The following TECTA variants were observed in gnomAD, a reference collection of about 807,000 sequenced individuals.
The protein encoded by TECTA is tectorin alpha.
A neutral mutation model predicts 216.8 loss-of-function variants in TECTA; 128 were observed. The observed-to-expected ratio is 0.59, with a 90% CI of 0.51 to 0.68. The LOEUF is 0.68. TECTA is among the 30% of genes least tolerant of loss of function. TECTA has a pLI of 0.00. For missense variants in TECTA, 2,551 were observed against 2,786.2 expected, an observed-to-expected ratio of 0.92 and a Z score of 1.90; for synonymous variants, 1,089 against 1,117.1, an observed-to-expected ratio of 0.97 and a Z score of 0.50.
chr11:121,126,129 C>T (rs1946609988), intron 8 of TECTA, among the ~76,000 whole-genome samples: 1 of 152,222 alleles, frequency 6.6e-6, no homozygotes, highest in African/African-American at 2.4e-5. Context: ...GGAAGTCCCA[C>T]AGCAGGGGAC....
chr11:121,178,762 T>C (rs887851395), intron 20 of TECTA, among the ~76,000 whole-genome samples: 1 of 152,192 alleles, frequency 6.6e-6, no homozygotes, highest in African/African-American at 2.4e-5. Flanking sequence ...TTGTTCCTGA[T>C]TCAATCCTGT....
In TECTA at chr11:121,127,966, GTTC is replaced by G. The variant is rs1336798551; in HGVS notation, c.1994_1996del (p.Phe665del). On this transcript the variant is annotated inframe_deletion, in exon 9 of 24. Transcript: ENST00000392793. The surrounding 1 kb of genome is among the most constrained non-coding windows in gnomAD (Gnocchi z 5.0). ...ACGGCCACTACTACACCATGGGGGA[GTTC>G]TTCTGGGCCACGGCCAACTGCACTG... 5 of 1,614,052 alleles carry G rather than the reference GTTC, an allele frequency of 3.1e-6. No individual in the cohort carries two copies. In the East Asian group the frequency reaches 8.9e-5, roughly 29 times the overall value.
At chr11:121,176,151 T>G (rs1947164328) in intron 20 of TECTA, among the ~76,000 whole-genome samples, 3 of 151,610 alleles carry the variant, frequency 2.0e-5, no homozygotes, top group Admixed American at 6.6e-5. Context: ...AATTTGCCAG[T>G]CTGTGTCTTT....
At position 121,118,511 on chromosome 11, in the gene TECTA, T is replaced by C; in HGVS notation, c.996T>C (p.Thr332=). The C allele has an allele frequency of 6.2e-7, 1 of 1,614,166 alleles. No homozygotes were observed. ...CVVFGEPHYH[T]FDGFLFHFQG... ...TGTTTGGGGAGCCACACTACCACACTTTTGACGGCTTCCTCTTCCACTTCC... is the reference window on the plus strand; with the variant it reads ...TGTTTGGGGAGCCACACTACCACACCTTTGACGGCTTCCTCTTCCACTTCC... Residue 332 remains threonine (T), a synonymous_variant, in exon 7 of 24, where the codon ACT becomes ACC. Coordinates refer to ENST00000392793, the MANE Select transcript of TECTA (RefSeq NM_005422.4).
At chr11:121,132,654 C>G (rs911650535) in intron 10 of TECTA, among the ~76,000 whole-genome samples, 5 of 152,276 alleles carry the variant, frequency 3.3e-5, no homozygotes, top group Admixed American at 6.5e-5. Flanking sequence ...GTTTCTGTCT[C>G]TATCTCACCA....
chr11:121,119,813 T>C (rs1946539282), intron 7 of TECTA, among the ~76,000 whole-genome samples: 1 of 152,236 alleles, frequency 6.6e-6, no homozygotes, highest in Non-Finnish European at 1.5e-5. Flanking sequence ...GTCTGTGCAG[T>C]TTATCAGTCT....
chr11:121,168,822 G>A lies in TECTA; in HGVS notation c.5896G>A (p.Val1966Ile), dbSNP rs748318594. 1.9e-6 allele frequency: 3 copies of A among 1,614,140 alleles called. No individual in the cohort carries two copies. Among genetic ancestry groups the A allele is most frequent in the Non-Finnish European group, 2.5e-6 (3 of 1,180,016 alleles). The change falls in exon 20 of 24, where the codon GTT becomes ATT. Residue 1966 changes from valine to isoleucine, a missense_variant. This residue lies in a region of TECTA where 2,375 missense variants were observed against 2,563.9 expected (regional missense o/e 0.93). Coordinates refer to ENST00000392793, the MANE Select transcript of TECTA (RefSeq NM_005422.4). ...TGTGCTGTATGTAGGGGTTTTTGTGGTTGGAGCTGACGCCACACATTTAAT... is the reference window on the plus strand; with the variant it reads ...TGTGCTGTATGTAGGGGTTTTTGTGATTGGAGCTGACGCCACACATTTAAT... ...RDVLYVGVFV[V>I]GADATHLILT...
In TECTA at chr11:121,125,789, T is replaced by A. The variant is rs555029298; in HGVS notation, c.1691T>A (p.Leu564His). 5.6e-6 allele frequency: 9 copies of A among 1,614,120 alleles called. No individual in the cohort carries two copies. The Admixed American group carries it at 1.2e-4, about 21-fold the overall frequency. The change falls in exon 8 of 24, where the codon CTC (leucine) becomes CAC (histidine). Residue 564 changes from leucine (L) to histidine (H), a missense_variant. By Grantham distance (99) the Leu-to-His change is moderately conservative (BLOSUM62 -3). Coordinates refer to ENST00000392793, the MANE Select transcript of TECTA (RefSeq NM_005422.4). Reference protein sequence around the residue: ...LCSVRDNGTLLCQAIQAYALV... With the variant: ...LCSVRDNGTLHCQAIQAYALV... ...AGTGTGAGGGACAATGGCACGCTCC[T>A]CTGCCAAGCCATCCAGGCCTATGCT...
chr11:121,107,592 G>A (rs1946402524), intron 3 of TECTA, among the ~76,000 whole-genome samples: 1 of 152,130 alleles, frequency 6.6e-6, no homozygotes, highest in Admixed American at 6.5e-5. Flanking sequence ...GGAATGTATA[G>A]GAAAATTATC....
rs1380335017 is a variant in TECTA at position 121,127,693 on chromosome 11, G to T, written c.1775-59G>T. 1.1e-5 allele frequency: 17 copies of T among 1,585,388 alleles called. No individual in the cohort carries two copies. The highest frequency in any genetic ancestry group is 2.2e-5 in the South Asian group (2 of 90,538). On this transcript the variant is annotated intron_variant, in intron 8 of 23. Transcript: ENST00000392793. This position sits in a 1 kb window ranked among gnomAD's most constrained non-coding sequence, Gnocchi z 5.0. ...CCAGGAGGAGCGTTAAGATTCTGGC[G>T]GGTTAGCACTCCGGGTCCATTCACC...
intron 10 of TECTA, among the ~76,000 whole-genome samples, chr11:121,132,019 A>G (rs1946680171): frequency 6.6e-6 from 1 of 152,208 alleles, no homozygotes; most frequent in African/African-American, 2.4e-5. Flanking sequence ...TAATTAATAC[A>G]TATTTTTCAG....
In TECTA at chr11:121,118,644, T is replaced by C. The variant is rs876658013; in HGVS notation, c.1129T>C (p.Trp377Arg). ...NEHRRGSAVSWVKELSVEVNG... is the reference protein window; with the variant it reads ...NEHRRGSAVSRVKELSVEVNG... ...ACACCGCAGAGGTTCAGCCGTCTCC[T>C]GGGTGAAGGAGCTCTCAGTGGAGGT... is the stretch of plus-strand genomic sequence containing the variant. Residue 377 changes from tryptophan (W) to arginine (R), a missense_variant, in exon 7 of 24, where the codon TGG becomes CGG. Around this residue, in one of 3 missense-constraint regions of TECTA, gnomAD observed 2,375 missense variants for 2,563.9 expected, o/e 0.93. Transcript: ENST00000392793. The C allele has an allele frequency of 1.2e-6, 2 of 1,613,978 alleles. No individual in the cohort carries two copies. The highest frequency in any genetic ancestry group is 8.5e-7 in the Non-Finnish European group (1 of 1,179,982).
intron 12 of TECTA, among the ~76,000 whole-genome samples, chr11:121,147,876 G>C (rs561531686): frequency 1.3e-5 from 2 of 152,210 alleles, no homozygotes; most frequent in South Asian, 2.1e-4. Context: ...GCACACAGGG[G>C]GCTAATGCCA....
Position 121,146,068 on chromosome 11 carries a change from C to T in TECTA, c.4057C>T (p.Gln1353Ter), listed in dbSNP as rs1277235937. 6.2e-7 allele frequency: 1 copy of T among 1,612,900 alleles called. No individual in the cohort carries two copies. The highest frequency in any genetic ancestry group is 8.5e-7 in the Non-Finnish European group (1 of 1,180,038). Reference sequence around the variant, plus strand: ...GCTGCAGAACTACGCCAGCACCTGCCAGACTCAGGGGATTACGGTGACTGG... The same window carrying T: ...GCTGCAGAACTACGCCAGCACCTGCTAGACTCAGGGGATTACGGTGACTGG... ...SWLQNYASTC[Q>*]TQGITVTGWR... The change falls in exon 12 of 24, where the codon CAG (glutamine) becomes TAG (stop). Residue 1353 changes from glutamine (Q) to a stop codon, truncating the protein, a stop_gained. Transcript: ENST00000392793. LOFTEE classifies it high-confidence loss of function.
intron 20 of TECTA, among the ~76,000 whole-genome samples, chr11:121,187,259 G>A (rs1028098348): frequency 6.6e-6 from 1 of 152,194 alleles, no homozygotes; most frequent in Admixed American, 6.5e-5. Flanking sequence ...GATATGTCTT[G>A]GCTGGGGTTG....
intron 20 of TECTA, among the ~76,000 whole-genome samples, chr11:121,183,687 A>T (rs1336504324): frequency 6.6e-6 from 1 of 152,192 alleles, no homozygotes; most frequent in Non-Finnish European, 1.5e-5. Context: ...AGATCTCACC[A>T]CTGCACTCCA....
At chr11:121,182,347 AGTCCTCAG>A (rs1724042954) in intron 20 of TECTA, among the ~76,000 whole-genome samples, 1 of 151,012 alleles carries the variant, frequency 6.6e-6, no homozygotes, top group Non-Finnish European at 1.5e-5. Context: ...GTGGTGGGCC[AGTCCTCAG>A]GTCCTCAGGT....
intron 10 of TECTA, among the ~76,000 whole-genome samples, chr11:121,131,188 T>C (rs1946671185): frequency 9.0e-6 from 1 of 111,168 alleles, no homozygotes; most frequent in African/African-American, 3.6e-5. Flanking sequence ...CACTCCAGCC[T>C]GGGCGACAGA....
In TECTA at chr11:121,125,742, C is replaced by T. The variant is rs1391500919; in HGVS notation, c.1644C>T (p.His548=). ...GTVVDPTAFV[H]SCVYDLCSVR... ...TCGTGGACCCCACTGCTTTTGTGCACAGCTGCGTGTATGACCTGTGCAGTG... is the reference window on the plus strand; with the variant it reads ...TCGTGGACCCCACTGCTTTTGTGCATAGCTGCGTGTATGACCTGTGCAGTG... The change falls in exon 8 of 24, where the codon CAC becomes CAT. Residue 548 remains histidine (H), a synonymous_variant. Transcript: ENST00000392793. The T allele has an allele frequency of 1.2e-6, 2 of 1,614,060 alleles. No homozygotes were observed. The highest frequency in any genetic ancestry group is 1.7e-5 in the Admixed American group (1 of 60,024).
Sources: gnomAD v4.1 joint callset for allele counts (sites outside exome capture counted in the v4.1 genomes callset) on GRCh38, gnomAD v4.1.1 for gene constraint, gnomAD v4.1.1 regional missense constraint, Gnocchi (gnomAD v3.1) non-coding constraint, MANE v1.5 for transcripts, NCBI Gene and HGNC (gene_info 2026-07-23, HGNC 2026-07-21) for gene names.